KCNIP1: variants seen among roughly 807,000 people sequenced by gnomAD.
KCNIP1 encodes A-type potassium channel modulatory protein KCNIP1.
KCNIP1 carries 18 observed loss-of-function variants against 33.0 expected under a neutral mutation model. That is an observed-to-expected ratio of 0.55 (90% CI 0.38 to 0.81). The LOEUF (loss-of-function observed/expected upper bound fraction) is 0.81, where lower values mean the gene tolerates loss of function less well. Ranked by LOEUF, KCNIP1 falls within the 30% of genes least tolerant of loss-of-function variation. The pLI is 0.00. For synonymous variants in KCNIP1, 93 were observed against 98.3 expected (o/e 0.95, Z 0.32); for missense variants, 238 against 271.6 (o/e 0.88, Z 0.87).
intron 1 of KCNIP1, chr5:170,377,565 T>C (rs1764054290): frequency 6.7e-6 from 1 of 148,472 alleles, no homozygotes. Context: ...GGGTTGTTTT[T>C]CATTTTTTGT....
intron 1 of KCNIP1, among the ~76,000 whole-genome samples, chr5:170,599,967 C>G (rs1758630097): frequency 6.6e-6 from 1 of 152,206 alleles, no homozygotes. Context: ...GCCCAAGGTC[C>G]TCATCAATCC....
chr5:170,605,560 G>A (rs575605249), intron 1 of KCNIP1, among the ~76,000 whole-genome samples: 5 of 152,194 alleles, frequency 3.3e-5, no homozygotes, highest in East Asian at 1.9e-4. Context: ...TGGAAGCCCC[G>A]TATTCACTAA....
At chr5:170,450,606 C>T (rs1481756826) in intron 1 of KCNIP1, among the ~76,000 whole-genome samples, 5 of 152,208 alleles carry the variant, frequency 3.3e-5, no homozygotes, top group Non-Finnish European at 7.3e-5. Context: ...TATCCACCCA[C>T]ACCCCTCATT....
chr5:170,489,830 G>A lies in KCNIP1; in HGVS notation c.88+135866G>A, dbSNP rs777998777. Among the ~76,000 whole-genome samples, 3 of 152,166 alleles carry A rather than the reference G, an allele frequency of 2.0e-5. No homozygotes were observed. Among genetic ancestry groups the A allele is most frequent in the Non-Finnish European group, 4.4e-5 (3 of 68,040 alleles). ...AGTAAACTTAGCCACTGGGTCCCTA[G>A]CAAAGAAACTGGAGAACTGAGGGTC... On this transcript the variant is annotated intron_variant, in intron 1 of 7. Coordinates refer to the KCNIP1 transcript ENST00000377360. The surrounding 1 kb of genome is among the most constrained non-coding windows in gnomAD (Gnocchi z 4.3).
At chr5:170,594,728 C>T (rs1193461352) in intron 1 of KCNIP1, among the ~76,000 whole-genome samples, 3 of 152,168 alleles carry the variant, frequency 2.0e-5, no homozygotes, top group African/African-American at 7.2e-5. Flanking sequence ...CCAGGCTGCT[C>T]TTGATCTCCT....
chr5:170,472,094 G>A lies in KCNIP1; in HGVS notation c.88+118130G>A, dbSNP rs114648597. ...CCAGACGCTGAGGATGGGATGGAAT[G>A]AGCACCAAACATGGAGTCAGGAGAC... On this transcript the variant is annotated intron_variant, in intron 1 of 7. Coordinates refer to the KCNIP1 transcript ENST00000377360. 8.7e-3 allele frequency among the ~76,000 whole-genome samples: 1,328 copies of A among 152,252 alleles called. 22 individuals are homozygous for A. Among genetic ancestry groups the A allele is most frequent in the African/African-American group, 0.03 (1,263 of 41,548 alleles).
chr5:170,713,289 A>G (rs1763522319), intron 1 of KCNIP1, among the ~76,000 whole-genome samples: 1 of 152,208 alleles, frequency 6.6e-6, no homozygotes, highest in Non-Finnish European at 1.5e-5. Flanking sequence ...TATTTCCTAT[A>G]ATCAGCTTCA....
chr5:170,659,502 T>A (rs183736742), intron 1 of KCNIP1, among the ~76,000 whole-genome samples: 208 of 152,344 alleles, frequency 1.4e-3, no homozygotes, highest in Non-Finnish European at 2.6e-3. Context: ...ATTGCCTGAA[T>A]TCCTACTGCA....
At chr5:170,530,055 G>T (rs549221968) in intron 1 of KCNIP1, among the ~76,000 whole-genome samples, 1 of 152,286 alleles carries the variant, frequency 6.6e-6, no homozygotes, top group Non-Finnish European at 1.5e-5. Context: ...AGGTCACCAT[G>T]CCACTGCTGA....
intron 1 of KCNIP1, among the ~76,000 whole-genome samples, chr5:170,437,438 T>C (rs571668120): frequency 6.6e-6 from 1 of 152,330 alleles, no homozygotes; most frequent in Admixed American, 6.5e-5. Flanking sequence ...TGAATGTGTA[T>C]TGACTTGTGA....
chr5:170,685,711 A>G (rs2113804496), intron 1 of KCNIP1, among the ~76,000 whole-genome samples: 1 of 151,794 alleles, frequency 6.6e-6, no homozygotes, highest in Middle Eastern at 3.4e-3. Context: ...CTAGCCTCGA[A>G]CTCCTGACCT....
intron 1 of KCNIP1, among the ~76,000 whole-genome samples, chr5:170,556,762 G>T (rs910694400): frequency 1.6e-4 from 24 of 152,214 alleles, no homozygotes; most frequent in African/African-American, 5.8e-4. Context: ...CAGAACCTTA[G>T]CTGTGATTAG....
At chr5:170,718,629 G>T in intron 1 of KCNIP1, 129 bp from the exon 2 acceptor site, 2 of 1,023,952 alleles carry the variant, frequency 2.0e-6, no homozygotes, top group Non-Finnish European at 2.9e-6. Flanking sequence ...GAAGGCCATT[G>T]GCAGTGTGAC....
intron 1 of KCNIP1, among the ~76,000 whole-genome samples, chr5:170,622,853 C>G (rs1759659658): frequency 6.6e-6 from 1 of 152,140 alleles, no homozygotes; most frequent in South Asian, 2.1e-4. Context: ...GTAGCTGTTG[C>G]TTTAAACCAG....
chr5:170,593,899 TG>T (rs1376979728), intron 1 of KCNIP1, among the ~76,000 whole-genome samples: 1 of 152,284 alleles, frequency 6.6e-6, no homozygotes, highest in East Asian at 1.9e-4. Context: ...CCTGAGGTGG[TG>T]GGAAGAACGT....
At chr5:170,519,886 T>C (rs1010974258) in intron 1 of KCNIP1, among the ~76,000 whole-genome samples, 5 of 152,086 alleles carry the variant, frequency 3.3e-5, no homozygotes, top group Middle Eastern at 3.2e-3. Context: ...ATTGTTCTTA[T>C]TGTTGAAAGA....
chr5:170,515,528 A>T (rs1755089311), intron 1 of KCNIP1, among the ~76,000 whole-genome samples: 1 of 152,232 alleles, frequency 6.6e-6, no homozygotes, highest in Non-Finnish European at 1.5e-5. Flanking sequence ...CATTATATTA[A>T]CAGCAAACCT....
At chr5:170,645,932 C>T (rs990139943) in intron 1 of KCNIP1, among the ~76,000 whole-genome samples, 5 of 152,012 alleles carry the variant, frequency 3.3e-5, no homozygotes, top group African/African-American at 1.2e-4. Context: ...ACAGATCACA[C>T]AAACATCAAA....
chr5:170,496,666 A>G (rs1019990060), intron 1 of KCNIP1, among the ~76,000 whole-genome samples: 3 of 152,166 alleles, frequency 2.0e-5, no homozygotes, highest in Non-Finnish European at 4.4e-5. Context: ...ACATTTACCC[A>G]AGGAGATTAT....
Sources: allele counts gnomAD v4.1 joint callset (sites outside exome capture counted in the v4.1 genomes callset), GRCh38; gene constraint gnomAD v4.1.1; non-coding constraint Gnocchi (gnomAD v3.1); transcripts MANE v1.5; gene names NCBI Gene and HGNC (gene_info 2026-07-23, HGNC 2026-07-21).